The following MYO3B variants were observed in gnomAD, a reference collection of about 807,000 sequenced individuals.
MYO3B encodes the protein myosin-IIIb.
MYO3B carries 156 observed loss-of-function variants against 174.6 expected under a neutral mutation model. That is an observed-to-expected ratio of 0.89 (90% confidence interval 0.78 to 1.02). MYO3B has a LOEUF of 1.02. Ranked by LOEUF, MYO3B falls within the 50% of genes least tolerant of loss-of-function variation. MYO3B has a pLI of 0.00. For synonymous variants in MYO3B, 563 were observed against 569.1 expected, an observed-to-expected ratio of 0.99 and a Z score of 0.15; for missense variants, 1,632 against 1,639.4, an observed-to-expected ratio of 1.00 and a Z score of 0.08.
chr2:170,546,627 T>C (rs752597093), intron 32 of MYO3B, among the ~76,000 whole-genome samples: 1 of 152,260 alleles, frequency 6.6e-6, no homozygotes, highest in Non-Finnish European at 1.5e-5. Flanking sequence ...CCCTTGATCT[T>C]AGAAAACGAC....
intron 32 of MYO3B, among the ~76,000 whole-genome samples, chr2:170,635,219 C>T (rs1356741424): frequency 1.3e-5 from 2 of 152,170 alleles, no homozygotes; most frequent in African/African-American, 2.4e-5. Flanking sequence ...ATCCAAATGT[C>T]CAACAATGAT....
chr2:170,477,155 T>A (rs141461711), intron 25 of MYO3B, among the ~76,000 whole-genome samples: 1 of 152,296 alleles, frequency 6.6e-6, no homozygotes, highest in African/African-American at 2.4e-5. Flanking sequence ...CCTAGACTGC[T>A]GTCAGCCTGA....
chr2:170,541,372 A>C (rs371162052), intron 30 of MYO3B, among the ~76,000 whole-genome samples: 1 of 152,158 alleles, frequency 6.6e-6, no homozygotes, highest in Non-Finnish European at 1.5e-5. Flanking sequence ...AAGGGTATAG[A>C]ATATATTATG....
At chr2:170,460,706 G>A (rs930371727) in intron 23 of MYO3B, among the ~76,000 whole-genome samples, 1 of 152,196 alleles carries the variant, frequency 6.6e-6, no homozygotes, top group Non-Finnish European at 1.5e-5. Context: ...GACAGGGCCC[G>A]TCACTAGCTG....
chr2:170,180,052 C>A lies in MYO3B; in HGVS notation c.2+1763C>A, dbSNP rs1310904372. The A allele has an allele frequency of 3.7e-5, 10 of 267,702 alleles. No individual in the cohort carries two copies. The East Asian group carries it at 1.1e-3, about 29-fold the overall frequency. The allele number at this position is 267,702 out of a possible 1,614,324, so 16.6% of individuals were successfully genotyped here. On this transcript the variant is annotated intron_variant, in intron 1 of 34. Transcript: ENST00000408978. Reference sequence around the variant, plus strand: ...GAATAGCATACTGAGCAATGGAAATCTTCATCATGAATTTTCTAATGAGTA... The same window carrying A: ...GAATAGCATACTGAGCAATGGAAATATTCATCATGAATTTTCTAATGAGTA...
chr2:170,482,549 A>G (rs1029481369), intron 25 of MYO3B, among the ~76,000 whole-genome samples: 15 of 152,348 alleles, frequency 9.8e-5, no homozygotes, highest in African/African-American at 2.9e-4. Flanking sequence ...GCCATGTGGA[A>G]CTGTAAGTTC....
chr2:170,516,033 C>A (rs1390527809), intron 29 of MYO3B, among the ~76,000 whole-genome samples: 1 of 152,062 alleles, frequency 6.6e-6, no homozygotes, highest in Non-Finnish European at 1.5e-5. Context: ...ATCACTGTTT[C>A]CCCCTAGAAG....
chr2:170,391,227 T>C (rs1237236267), intron 14 of MYO3B, among the ~76,000 whole-genome samples: 3 of 152,068 alleles, frequency 2.0e-5, no homozygotes, highest in Non-Finnish European at 4.4e-5. Context: ...CAGAAGGTAG[T>C]AGGCGTTTGG....
intron 7 of MYO3B, among the ~76,000 whole-genome samples, chr2:170,311,796 G>T (rs184992387): frequency 1.3e-5 from 2 of 152,224 alleles, no homozygotes; most frequent in East Asian, 3.9e-4. Context: ...GTTGTAATGT[G>T]TGGGTCCAAC....
chr2:170,446,986 C>G (rs55840504), intron 23 of MYO3B, among the ~76,000 whole-genome samples: 1 of 152,116 alleles, frequency 6.6e-6, no homozygotes, highest in Non-Finnish European at 1.5e-5. Flanking sequence ...TCAAATTCTT[C>G]TTGGTGTCCC....
intron 1 of MYO3B, among the ~76,000 whole-genome samples, chr2:170,180,422 C>T (rs2092383913): frequency 6.6e-6 from 1 of 152,118 alleles, no homozygotes; most frequent in Admixed American, 6.5e-5. Context: ...CTCACTAATC[C>T]TCTTTGTCTC....
At chr2:170,313,872 A>T (rs1169276896) in intron 7 of MYO3B, among the ~76,000 whole-genome samples, 1 of 152,158 alleles carries the variant, frequency 6.6e-6, no homozygotes, top group Admixed American at 6.5e-5. Flanking sequence ...ACAGACACAC[A>T]CACACAGCTC....
chr2:170,426,376 C>G (rs28719876), intron 22 of MYO3B, among the ~76,000 whole-genome samples: 24,060 of 148,772 alleles, frequency 0.16, 2,674 homozygotes, highest in East Asian at 0.55. Context: ...CTCTCTGTCA[C>G]CCAGGCTCGA....
At chr2:170,557,591 C>T (rs1011372618) in intron 32 of MYO3B, among the ~76,000 whole-genome samples, 3 of 152,022 alleles carry the variant, frequency 2.0e-5, no homozygotes, top group Admixed American at 6.5e-5. Flanking sequence ...ACTTGAGCAC[C>T]CACTAAATGG....
rs1317155449 is a variant in MYO3B at position 170,447,872 on chromosome 2, G to A, written c.2730+3826G>A. Among the ~76,000 whole-genome samples the A allele has an allele frequency of 2.0e-5, 3 of 152,188 alleles. No homozygotes were observed. In the East Asian group the frequency reaches 5.8e-4, roughly 29 times the overall value. On this transcript the variant is annotated intron_variant, in intron 23 of 34. Transcript: ENST00000408978. ...GGTGAGGCCAGAGATGAAATAATAG[G>A]GAGTTGAAGCTGTCCTCTGGGGCTG...
Position 170,401,706 on chromosome 2 carries a change from G to C in MYO3B, c.2129+15G>C, listed in dbSNP as rs1469988728. On this transcript the variant is annotated intron_variant, in intron 18 of 34. Transcript: ENST00000408978. ...GAAAACATATGGCAAGTTCCTCGGAGAGCAGAGGGTCTCAGGAGAGCTGTC... is the reference window on the plus strand; with the variant it reads ...GAAAACATATGGCAAGTTCCTCGGACAGCAGAGGGTCTCAGGAGAGCTGTC... The C allele has an allele frequency of 6.2e-7, 1 of 1,610,766 alleles. No individual in the cohort carries two copies. Among genetic ancestry groups the C allele is most frequent in the Non-Finnish European group, 8.5e-7 (1 of 1,179,106 alleles).
intron 22 of MYO3B, among the ~76,000 whole-genome samples, chr2:170,413,677 G>A (rs2094559946): frequency 6.6e-6 from 1 of 151,386 alleles, no homozygotes; most frequent in Non-Finnish European, 1.5e-5. Context: ...TGTATAAAAT[G>A]TAAGGTTAAG....
At chr2:170,363,908 A>G (rs2094179795) in intron 8 of MYO3B, among the ~76,000 whole-genome samples, 1 of 152,220 alleles carries the variant, frequency 6.6e-6, no homozygotes, top group Non-Finnish European at 1.5e-5. Flanking sequence ...AGATTAAAAA[A>G]TCCAGGAATG....
At chr2:170,369,544 G>T (rs1279908177) in intron 9 of MYO3B, among the ~76,000 whole-genome samples, 167 bp downstream of exon 9, 2 of 152,148 alleles carry the variant, frequency 1.3e-5, no homozygotes, top group African/African-American at 2.4e-5. Flanking sequence ...GAGAGCAGGA[G>T]AACTTCAGAA....
Sources: gnomAD v4.1 joint callset for allele counts (sites outside exome capture counted in the v4.1 genomes callset) on GRCh38, gnomAD v4.1.1 for gene constraint, MANE v1.5 for transcripts, NCBI Gene and HGNC (gene_info 2026-07-23, HGNC 2026-07-21) for gene names.